PTPRM: variants seen among roughly 807,000 people sequenced by gnomAD.
The protein encoded by PTPRM is receptor-type tyrosine-protein phosphatase mu.
A neutral mutation model predicts 186.7 loss-of-function variants in PTPRM; 47 were observed. The observed-to-expected ratio is 0.25, with a 90% confidence interval of 0.20 to 0.32. PTPRM has a LOEUF of 0.32. Among genes scored for constraint, PTPRM ranks in the 10% least tolerant of loss-of-function variants. The pLI, the probability that PTPRM is intolerant of heterozygous loss-of-function variation, is 1.00. For synonymous variants in PTPRM, 668 were observed against 674.9 expected (o/e 0.99, Z 0.16); for missense variants, 1,494 against 1,865.0 (o/e 0.80, Z 3.66).
At chr18:7,969,633 C>A (rs2054397689) in intron 7 of PTPRM, among the ~76,000 whole-genome samples, 1 of 126,838 alleles carries the variant, frequency 7.9e-6, no homozygotes, top group African/African-American at 3.2e-5. Flanking sequence ...GATATCACCA[C>A]CAATCCCACA....
chr18:8,347,141 C>T (rs1449533752), intron 23 of PTPRM, among the ~76,000 whole-genome samples: 1 of 152,212 alleles, frequency 6.6e-6, no homozygotes, highest in Non-Finnish European at 1.5e-5. Flanking sequence ...CTTTCACAAT[C>T]CCAGCACTCC....
At chr18:7,883,716 T>C (rs183409538) in intron 2 of PTPRM, among the ~76,000 whole-genome samples, 6 of 152,284 alleles carry the variant, frequency 3.9e-5, no homozygotes, top group African/African-American at 1.4e-4. Flanking sequence ...TTAATTGAGT[T>C]GAAGGTTTTG....
At chr18:8,405,954 A>G (rs1378831462) in intron 32 of PTPRM, among the ~76,000 whole-genome samples, 155 bp from the exon 33 acceptor site, 1 of 152,216 alleles carries the variant, frequency 6.6e-6, no homozygotes, top group Non-Finnish European at 1.5e-5. Flanking sequence ...CAGTGAATGT[A>G]TCTGGAGTTC....
At chr18:8,299,091 G>A (rs1475861140) in intron 20 of PTPRM, among the ~76,000 whole-genome samples, 12 of 152,068 alleles carry the variant, frequency 7.9e-5, no homozygotes, top group African/African-American at 2.4e-4. Context: ...TCCCCACCAC[G>A]TTCCAAGCAG....
At chr18:8,057,327 T>G (rs1465843596) in intron 7 of PTPRM, among the ~76,000 whole-genome samples, 8 of 151,956 alleles carry the variant, frequency 5.3e-5, no homozygotes, top group Admixed American at 5.3e-4. Flanking sequence ...TTTAAAGGTT[T>G]TATTACTTAA....
chr18:8,102,454 T>G (rs1410900696), intron 11 of PTPRM, among the ~76,000 whole-genome samples: 1 of 152,230 alleles, frequency 6.6e-6, no homozygotes, highest in Admixed American at 6.5e-5. Context: ...TCTAAATCAT[T>G]TGTTGTCATT....
chr18:8,081,895 G>T (rs1450015426), intron 9 of PTPRM, among the ~76,000 whole-genome samples: 2 of 152,148 alleles, frequency 1.3e-5, no homozygotes, highest in African/African-American at 2.4e-5. Context: ...GAAAGAGAAG[G>T]TGTCTAATTT....
At chr18:7,742,576 C>T (rs2040904759) in intron 1 of PTPRM, among the ~76,000 whole-genome samples, 1 of 152,160 alleles carries the variant, frequency 6.6e-6, no homozygotes, top group South Asian at 2.1e-4. Flanking sequence ...CAGTGGTTCA[C>T]TCTTGTAATC....
intron 1 of PTPRM, among the ~76,000 whole-genome samples, chr18:7,671,969 G>C (rs561630658): frequency 2.6e-5 from 4 of 152,138 alleles, no homozygotes; most frequent in Non-Finnish European, 5.9e-5. Context: ...ACGTCGTTTC[G>C]TAGGGAAGAA....
At chr18:8,081,716 T>C (rs1168834811) in intron 9 of PTPRM, among the ~76,000 whole-genome samples, 1 of 152,148 alleles carries the variant, frequency 6.6e-6, no homozygotes, top group Non-Finnish European at 1.5e-5. Flanking sequence ...ATTCTGATAT[T>C]CAGACTCCAG....
chr18:8,105,809 C>G (rs964419823), intron 11 of PTPRM, among the ~76,000 whole-genome samples: 2 of 152,138 alleles, frequency 1.3e-5, no homozygotes, highest in African/African-American at 4.8e-5. Flanking sequence ...CCAGAAAAAC[C>G]AACAAAATAC....
At chr18:7,612,853 G>A (rs2037709148) in intron 1 of PTPRM, among the ~76,000 whole-genome samples, 2 of 152,138 alleles carry the variant, frequency 1.3e-5, no homozygotes, top group Non-Finnish European at 2.9e-5. Flanking sequence ...TAACTAATTG[G>A]GCTTACAAAG....
At chr18:7,658,359 T>TATATATATATATATACATACAC (rs1491198247) in intron 1 of PTPRM, among the ~76,000 whole-genome samples, 1 of 136,666 alleles carries the variant, frequency 7.3e-6, no homozygotes, top group African/African-American at 2.9e-5. Context: ...TATATATATA[T>TATATATATATATATACATACAC]ACATACACAC....
intron 1 of PTPRM, among the ~76,000 whole-genome samples, chr18:7,642,324 A>G (rs1035686300): frequency 2.6e-5 from 4 of 152,184 alleles, no homozygotes; most frequent in African/African-American, 9.7e-5. Context: ...GTTCTCTTTT[A>G]GGGACAAGAT....
At chr18:7,879,491 G>GC (rs2048396320) in intron 2 of PTPRM, among the ~76,000 whole-genome samples, 1 of 152,094 alleles carries the variant, frequency 6.6e-6, no homozygotes, top group African/African-American at 2.4e-5. Context: ...TTCTCAAAGT[G>GC]CCCCAATACA....
At chr18:7,950,726 C>T (rs902527280) in intron 6 of PTPRM, among the ~76,000 whole-genome samples, 19 of 152,286 alleles carry the variant, frequency 1.2e-4, no homozygotes, top group Admixed American at 6.5e-4. Flanking sequence ...CAGGGATAAA[C>T]TTCTCTCTGG....
intron 1 of PTPRM, among the ~76,000 whole-genome samples, chr18:7,667,566 G>A (rs891180881): frequency 6.6e-6 from 1 of 152,190 alleles, no homozygotes; most frequent in African/African-American, 2.4e-5. Flanking sequence ...TTGAGTTAAG[G>A]ATCAGTGTGC....
At chr18:7,952,632 C>T (rs1213748609) in intron 6 of PTPRM, among the ~76,000 whole-genome samples, 1 of 149,870 alleles carries the variant, frequency 6.7e-6, no homozygotes, top group African/African-American at 2.5e-5. Context: ...GGAGACAGAG[C>T]TTGCAGTGAG....
intron 1 of PTPRM, among the ~76,000 whole-genome samples, chr18:7,636,104 G>A (rs1029348432): frequency 6.6e-6 from 1 of 152,132 alleles, no homozygotes; most frequent in African/African-American, 2.4e-5. Context: ...AAAAGTATTT[G>A]CTTGGGTGCT....
Sources: gnomAD v4.1 joint callset for allele counts (sites outside exome capture counted in the v4.1 genomes callset) on GRCh38, gnomAD v4.1.1 for gene constraint, MANE v1.5 for transcripts, NCBI Gene and HGNC (gene_info 2026-07-23, HGNC 2026-07-21) for gene names.